The following FNDC3A variants were observed in gnomAD, a reference collection of about 807,000 sequenced individuals.
FNDC3A encodes fibronectin type-III domain-containing protein 3A.
FNDC3A carries 32 observed loss-of-function variants against 148.9 expected under a neutral mutation model. The ratio of observed to expected loss-of-function variants is 0.21; its 90% CI spans 0.16 to 0.29. The LOEUF (loss-of-function observed/expected upper bound fraction) is 0.29. Ranked by LOEUF, FNDC3A falls within the 10% of genes least tolerant of loss-of-function variation. The probability of loss-of-function intolerance (pLI) is 1.00; values close to 1 mark genes in which losing one functional copy is unlikely to be tolerated. For synonymous variants in FNDC3A, 472 were observed against 473.6 expected (o/e 1.00, Z 0.04); for missense variants, 1,191 against 1,452.8 (o/e 0.82, Z 2.93).
intron 2 of FNDC3A, among the ~76,000 whole-genome samples, chr13:49,024,618 A>C (rs114072317): frequency 6.6e-6 from 1 of 152,144 alleles, no homozygotes; most frequent in African/African-American, 2.4e-5. Flanking sequence ...AACATAATGA[A>C]GGACAAGAAC....
intron 1 of FNDC3A, among the ~76,000 whole-genome samples, chr13:49,000,301 A>G (rs535922802): frequency 6.6e-6 from 1 of 152,194 alleles, no homozygotes; most frequent in Non-Finnish European, 1.5e-5. Flanking sequence ...GCATGTGGCT[A>G]TCCAGTTTTT....
intron 3 of FNDC3A, among the ~76,000 whole-genome samples, chr13:49,106,015 C>A (rs553675843): frequency 6.6e-6 from 1 of 152,268 alleles, no homozygotes; most frequent in South Asian, 2.1e-4. Flanking sequence ...TCACTCTAAC[C>A]TCACTCCTTT....
intron 3 of FNDC3A, among the ~76,000 whole-genome samples, chr13:49,090,204 C>T (rs1388055877): frequency 6.6e-6 from 1 of 152,094 alleles, no homozygotes; most frequent in African/African-American, 2.4e-5. Context: ...GGGCAGATCA[C>T]GAAGTCAGGG....
At position 49,022,523 on chromosome 13, in the gene FNDC3A, A is replaced by T. The variant is rs533251050; in HGVS notation, c.99+16234A>T. Among the ~76,000 whole-genome samples, 4 of 152,306 alleles carry T rather than the reference A, an allele frequency of 2.6e-5. No individual in the cohort carries two copies. The East Asian group carries it at 7.7e-4, about 29-fold the overall frequency. ...TACAAATTTGTAAATATATGCATTT[A>T]AAAATCTGATAGCTTCCATGCTAAG... On this transcript the variant is annotated intron_variant, in intron 2 of 25. Transcript: ENST00000492622.
chr13:49,105,201 G>A (rs1880097757), intron 3 of FNDC3A, among the ~76,000 whole-genome samples: 1 of 152,178 alleles, frequency 6.6e-6, no homozygotes, highest in African/African-American at 2.4e-5. Flanking sequence ...AAGTAATGGA[G>A]GGAATGTGAA....
intron 1 of FNDC3A, among the ~76,000 whole-genome samples, chr13:48,979,902 T>C (rs1007525570): frequency 6.6e-6 from 1 of 152,170 alleles, no homozygotes; most frequent in South Asian, 2.1e-4. Context: ...ACAAGCCATC[T>C]GTGGACTGGA....
intron 2 of FNDC3A, chr13:49,044,324 A>T (rs1875187041): frequency 6.2e-6 from 1 of 160,066 alleles, no homozygotes; most frequent in Admixed American, 6.4e-5. Context: ...TAGGGCTTCC[A>T]TTTTCAGTCT....
chr13:48,981,037 A>C (rs1448731023), intron 1 of FNDC3A, among the ~76,000 whole-genome samples: 1 of 152,186 alleles, frequency 6.6e-6, no homozygotes, highest in Non-Finnish European at 1.5e-5. Flanking sequence ...CATACTTAGT[A>C]CATACAGTAC....
At chr13:49,105,626 G>A (rs1339662688) in intron 3 of FNDC3A, among the ~76,000 whole-genome samples, 3 of 152,114 alleles carry the variant, frequency 2.0e-5, no homozygotes, top group African/African-American at 4.8e-5. Flanking sequence ...CATTTCTAAC[G>A]TAACATGTCC....
At chr13:49,084,476 A>G (rs745426723) in intron 3 of FNDC3A, among the ~76,000 whole-genome samples, 17 of 152,272 alleles carry the variant, frequency 1.1e-4, no homozygotes, top group Non-Finnish European at 2.4e-4. Flanking sequence ...TTATACAGTT[A>G]TATGAAAATA....
At chr13:49,109,860 T>TA (rs1432444495) in intron 3 of FNDC3A, among the ~76,000 whole-genome samples, 1 of 152,174 alleles carries the variant, frequency 6.6e-6, no homozygotes, top group East Asian at 1.9e-4. Context: ...TATACACAAT[T>TA]ATTTGTGTAT....
intron 8 of FNDC3A, among the ~76,000 whole-genome samples, chr13:49,153,088 C>T (rs1316154024): frequency 1.3e-5 from 2 of 151,954 alleles, no homozygotes; most frequent in Admixed American, 6.6e-5. Flanking sequence ...CCTGAGGAAT[C>T]GCCACACTGA....
chr13:49,193,181 T>C (rs965395902), intron 19 of FNDC3A, among the ~76,000 whole-genome samples: 3 of 152,216 alleles, frequency 2.0e-5, no homozygotes, highest in African/African-American at 7.2e-5. Flanking sequence ...GTGACTGATA[T>C]GTTTTCTTAG....
chr13:49,049,881 G>A (rs1022166727), intron 2 of FNDC3A, among the ~76,000 whole-genome samples: 7 of 151,902 alleles, frequency 4.6e-5, no homozygotes, highest in Admixed American at 6.6e-5. Flanking sequence ...CACTATGCCC[G>A]GCTAATTTTT....
At chr13:49,187,832 A>G (rs1885667372) in intron 16 of FNDC3A, among the ~76,000 whole-genome samples, 1 of 151,948 alleles carries the variant, frequency 6.6e-6, no homozygotes, top group Non-Finnish European at 1.5e-5. Flanking sequence ...TTCCAGAAAT[A>G]CAGTGAATCA....
chr13:49,189,058 G>T (rs549838574), intron 17 of FNDC3A, among the ~76,000 whole-genome samples: 13 of 152,072 alleles, frequency 8.5e-5, no homozygotes, highest in African/African-American at 2.2e-4. Flanking sequence ...CTTCAAAAAA[G>T]TTGGCCATTA....
At chr13:49,037,261 A>T (rs1251747504) in intron 2 of FNDC3A, among the ~76,000 whole-genome samples, 1 of 152,234 alleles carries the variant, frequency 6.6e-6, no homozygotes, top group East Asian at 1.9e-4. Flanking sequence ...TGTTCTATGC[A>T]CTTATTATAT....
intron 3 of FNDC3A, among the ~76,000 whole-genome samples, chr13:49,080,550 T>A (rs1381369943): frequency 6.6e-6 from 1 of 152,244 alleles, no homozygotes; most frequent in Non-Finnish European, 1.5e-5. Flanking sequence ...TGATAGCATG[T>A]CAACAGATTG....
Position 49,196,747 on chromosome 13 carries a change from A to G in FNDC3A, c.2227-130A>G, listed in dbSNP as rs1886174685. The stretch of plus-strand genomic sequence containing the variant: ...TTTAGTTAATGTGAATACTTATAGA[A>G]TTATGACCAAATTAATCTTGAAACA... On this transcript the variant is annotated intron_variant, in intron 19 of 25. Coordinates refer to ENST00000492622, the MANE Select transcript of FNDC3A (RefSeq NM_001079673.2). The G allele has an allele frequency of 9.7e-6, 5 of 515,604 alleles. No homozygotes were observed. In the East Asian group the frequency reaches 1.6e-4, roughly 16 times the overall value. 31.9% of individuals were successfully genotyped at this position (515,604 alleles called of 1,614,324 possible).
Sources: gnomAD v4.1 joint callset for allele counts (sites outside exome capture counted in the v4.1 genomes callset) on GRCh38, gnomAD v4.1.1 for gene constraint, MANE v1.5 for transcripts, NCBI Gene and HGNC (gene_info 2026-07-23, HGNC 2026-07-21) for gene names.